Variants in ASAP1 observed in about 807,000 individuals in gnomAD.
The protein encoded by ASAP1 is arf-GAP with SH3 domain, ANK repeat and PH domain-containing protein 1.
Under a neutral mutation model 145.2 loss-of-function variants are expected in ASAP1, and 43 were observed. That is an observed-to-expected ratio of 0.30 (90% CI 0.23 to 0.38). The LOEUF (loss-of-function observed/expected upper bound fraction) is 0.38. ASAP1 is among the 10% of genes least tolerant of loss of function. ASAP1 has a pLI of 1.00. For missense variants in ASAP1, 1,018 were observed against 1,355.3 expected (o/e 0.75, Z 3.91); for synonymous variants, 546 against 515.5 (o/e 1.06, Z -0.80).
chr8:130,280,657 A>T (rs974541934), intron 3 of ASAP1, among the ~76,000 whole-genome samples: 1 of 152,250 alleles, frequency 6.6e-6, no homozygotes, highest in Admixed American at 6.5e-5. Context: ...CTCATCAGCG[A>T]TTCTATTAGA....
At chr8:130,397,141 T>TTTGTTGTTG (rs142683440) in intron 2 of ASAP1, among the ~76,000 whole-genome samples, 1 of 150,752 alleles carries the variant, frequency 6.6e-6, no homozygotes, top group Non-Finnish European at 1.5e-5. Context: ...TTATGAGAAT[T>TTTGTTGTTG]TTGTTGTTGT....
At chr8:130,103,647 C>T (rs1028813031) in intron 24 of ASAP1, among the ~76,000 whole-genome samples, 39 of 152,036 alleles carry the variant, frequency 2.6e-4, no homozygotes, top group Admixed American at 2.4e-3. Context: ...GGATTATAGG[C>T]GTGTGCCACC....
rs148239166 is a variant in ASAP1 at position 130,372,366 on chromosome 8, A to T, written c.60-14223T>A. Among the ~76,000 whole-genome samples, 27 of 152,392 alleles carry T rather than the reference A, an allele frequency of 1.8e-4. No individual in the cohort carries two copies. The East Asian group carries it at 3.5e-3, about 20-fold the overall frequency. ...AATCAATGTTCTGCCCAATCTCTCC[A>T]GAGCAATCATTTAAAATTCCACAAT... is the stretch of plus-strand genomic sequence containing the variant. On this transcript the variant is annotated intron_variant, in intron 2 of 29. Coordinates refer to ENST00000518721, the MANE Select transcript of ASAP1 (RefSeq NM_018482.4).
intron 3 of ASAP1, among the ~76,000 whole-genome samples, chr8:130,331,048 T>C (rs934070850): frequency 1.3e-5 from 2 of 152,114 alleles, no homozygotes; most frequent in African/African-American, 4.8e-5. Context: ...TTCCCCCAGC[T>C]GCAAAAAGGG....
At chr8:130,319,804 T>C (rs1823888469) in intron 3 of ASAP1, among the ~76,000 whole-genome samples, 1 of 152,168 alleles carries the variant, frequency 6.6e-6, no homozygotes, top group Non-Finnish European at 1.5e-5. Flanking sequence ...CAACAGAATA[T>C]TATGTAGTCA....
chr8:130,433,275 C>A (rs558050662), intron 1 of ASAP1, among the ~76,000 whole-genome samples: 4 of 152,320 alleles, frequency 2.6e-5, no homozygotes, highest in East Asian at 1.9e-4. Context: ...AACACATTTT[C>A]CTTAGACCTC....
chr8:130,207,455 G>A (rs1816301276), intron 5 of ASAP1, among the ~76,000 whole-genome samples: 1 of 152,036 alleles, frequency 6.6e-6, no homozygotes, highest in Non-Finnish European at 1.5e-5. Context: ...AAGAGGATAC[G>A]GCCCTTGTCT....
At chr8:130,119,153 A>C (rs1026830469) in intron 18 of ASAP1, among the ~76,000 whole-genome samples, 1 of 152,188 alleles carries the variant, frequency 6.6e-6, no homozygotes, top group Admixed American at 6.5e-5. Flanking sequence ...TATGTTGCCC[A>C]GGCTGGTCTT....
rs1281628861 is a variant in ASAP1, at chr8:130,225,526, T to C, written c.260-10825A>G. 3.3e-5 allele frequency among the ~76,000 whole-genome samples: 5 copies of C among 152,226 alleles called. No homozygotes were observed. The East Asian group carries it at 7.7e-4, about 23-fold the overall frequency. On this transcript the variant is annotated intron_variant, in intron 4 of 29. Coordinates refer to ENST00000518721, the MANE Select transcript of ASAP1 (RefSeq NM_018482.4). ...ATATGGCATGAGGAGGAGTTCTAAC[T>C]TTTTTTTCTTTCTTCTGTATGAAAA...
At chr8:130,199,751 CCA>C (rs1400769280) in intron 5 of ASAP1, among the ~76,000 whole-genome samples, 2 of 152,148 alleles carry the variant, frequency 1.3e-5, no homozygotes. Context: ...AGAAAAAATT[CCA>C]CCTCAAATGG....
intron 24 of ASAP1, among the ~76,000 whole-genome samples, chr8:130,094,363 A>T (rs756902776): frequency 1.3e-5 from 2 of 152,062 alleles, no homozygotes; most frequent in Admixed American, 6.6e-5. Flanking sequence ...GGCATGTATC[A>T]TAACATCCAG....
chr8:130,414,950 A>G (rs7816470), intron 1 of ASAP1, among the ~76,000 whole-genome samples: 11,716 of 152,112 alleles, frequency 0.077, 509 homozygotes, highest in Middle Eastern at 0.11. Context: ...TAGAGACAGG[A>G]TTTCACCATA....
chr8:130,245,898 T>C (rs1818819321), intron 3 of ASAP1, among the ~76,000 whole-genome samples: 1 of 152,200 alleles, frequency 6.6e-6, no homozygotes, highest in Admixed American at 6.5e-5. Flanking sequence ...ACATATTTTT[T>C]GTTTGGGTAG....
intron 4 of ASAP1, among the ~76,000 whole-genome samples, chr8:130,226,042 G>A (rs1358762387): frequency 7.5e-6 from 1 of 133,590 alleles, no homozygotes; most frequent in Non-Finnish European, 1.6e-5. Context: ...ACCATGCTTG[G>A]CTTTTTTTTT....
At chr8:130,423,050 A>G (rs1044198273) in intron 1 of ASAP1, among the ~76,000 whole-genome samples, 1 of 152,208 alleles carries the variant, frequency 6.6e-6, no homozygotes, top group African/African-American at 2.4e-5. Context: ...ACCAAGTAAT[A>G]GAACTAAATT....
chr8:130,123,140 A>G (rs1314368200), intron 18 of ASAP1, among the ~76,000 whole-genome samples: 4 of 152,144 alleles, frequency 2.6e-5, no homozygotes, highest in Admixed American at 6.6e-5. Flanking sequence ...CTACAGATGG[A>G]TACTTGTTTT....
At chr8:130,159,765 G>C in intron 12 of ASAP1, 99 bp downstream of exon 12, 1 of 899,426 alleles carries the variant, frequency 1.1e-6, no homozygotes, top group Non-Finnish European at 1.8e-6. Flanking sequence ...TCTGCAGCTA[G>C]TGTATTATAA....
chr8:130,058,401 G>A (rs1021173706), intron 28 of ASAP1, among the ~76,000 whole-genome samples: 1 of 152,152 alleles, frequency 6.6e-6, no homozygotes, highest in Admixed American at 6.5e-5. Flanking sequence ...CACTCTGTAC[G>A]CACCCCCAAC....
At chr8:130,116,416 C>T (rs1325555953) in intron 22 of ASAP1, among the ~76,000 whole-genome samples, 2 of 152,230 alleles carry the variant, frequency 1.3e-5, no homozygotes, top group Non-Finnish European at 2.9e-5. Flanking sequence ...AAATAAAAAG[C>T]ATGACCTCAA....
Sources: gnomAD v4.1 joint callset for allele counts (sites outside exome capture counted in the v4.1 genomes callset) on GRCh38, gnomAD v4.1.1 for gene constraint, MANE v1.5 for transcripts, NCBI Gene and HGNC (gene_info 2026-07-23, HGNC 2026-07-21) for gene names.